FOXRED1: variants seen among roughly 807,000 people sequenced by gnomAD.
The protein encoded by FOXRED1 is FAD-dependent oxidoreductase domain-containing protein 1.
In FOXRED1, 52 loss-of-function variants were observed where a neutral mutation model predicts 57.8. The observed-to-expected ratio is 0.90, with a 90% confidence interval of 0.72 to 1.13. FOXRED1 has a LOEUF of 1.13. Among genes scored for constraint, FOXRED1 ranks in the 50% most tolerant of loss-of-function variants. The pLI is 0.00. For missense variants in FOXRED1, 589 were observed against 625.2 expected (o/e 0.94, Z 0.62); for synonymous variants, 271 against 248.3 (o/e 1.09, Z -0.86).
rs538014886 is a variant in FOXRED1, at chr11:126,276,792, CTG to C, written c.1101+270_1101+271del. 401 of 487,114 alleles carry C rather than the reference CTG, an allele frequency of 8.2e-4. 3 individuals carry two copies. The highest frequency in any genetic ancestry group is 5.3e-5 in the Non-Finnish European group (14 of 266,616). The allele number at this position is 487,114 out of a possible 1,614,324, so 30.2% of individuals were successfully genotyped here. Reference sequence around the variant, plus strand: ...TTGGGAGGCTGAGGCAGGAGAATCACTGGAACCCGGGAGGCTGAGGTTGCAGT... The same window carrying C: ...TTGGGAGGCTGAGGCAGGAGAATCACGAACCCGGGAGGCTGAGGTTGCAGT... On this transcript the variant is annotated intron_variant, in intron 9 of 10. Coordinates refer to ENST00000263578, the MANE Select transcript of FOXRED1 (RefSeq NM_017547.4).
Position 126,269,247 on chromosome 11 carries a change from T to C in FOXRED1, c.41T>C (p.Leu14Pro), listed in dbSNP as rs1362707296. The change falls in exon 1 of 11, where the codon CTC becomes CCC. Residue 14 changes from leucine (L) to proline (P), a missense_variant. Transcript: ENST00000263578. Reference protein sequence around the residue: ...RVLPHGMGRGLLTRRPGTRRG... With the variant: ...RVLPHGMGRGPLTRRPGTRRG... Reference sequence around the variant, plus strand: ...CTGCCGCACGGCATGGGCCGGGGCCTCTTGACCCGGAGGCCAGGCACGCGC... The same window carrying C: ...CTGCCGCACGGCATGGGCCGGGGCCCCTTGACCCGGAGGCCAGGCACGCGC... 1 of 1,614,084 alleles carries C rather than the reference T, an allele frequency of 6.2e-7. No homozygotes were observed. Among genetic ancestry groups the C allele is most frequent in the Non-Finnish European group, 8.5e-7 (1 of 1,180,046 alleles).
Position 126,275,507 on chromosome 11 carries a change from A to G in FOXRED1, c.733+79A>G. The G allele has an allele frequency of 9.1e-7, 1 of 1,095,726 alleles. No individual in the cohort carries two copies. The highest frequency in any genetic ancestry group is 1.4e-6 in the Non-Finnish European group (1 of 710,564). 67.9% of individuals were successfully genotyped at this position (1,095,726 alleles called of 1,614,324 possible). A position where few individuals can be genotyped will look rare whatever the true frequency, so the allele number is the denominator to read the frequency against. ...TTATCTTCTCACTCACAAGCTAAGC[A>G]AGGGCTGGAGGGGGAAAGGGGTCTC... On this transcript the variant is annotated intron_variant, in intron 6 of 10. Transcript: ENST00000263578. This position sits in a 1 kb window ranked among gnomAD's most constrained non-coding sequence, Gnocchi z 5.9.
At position 126,272,562 on chromosome 11, in the gene FOXRED1, G is replaced by A. The variant is rs2135258652; in HGVS notation, c.307-407G>A. 3.4e-6 allele frequency: 1 copy of A among 291,900 alleles called. No individual in the cohort carries two copies. The highest frequency in any genetic ancestry group is 6.6e-6 in the Non-Finnish European group (1 of 150,540). 18.1% of individuals were successfully genotyped at this position (291,900 alleles called of 1,614,324 possible). A position where few individuals can be genotyped will look rare whatever the true frequency, so the allele number is the denominator to read the frequency against. ...CCGCCTCGGCCTCCCAAAGTGCTGG[G>A]ATTACAGGCATGAGCCACCCACCCG... On this transcript the variant is annotated intron_variant, in intron 2 of 10. Coordinates refer to ENST00000263578, the MANE Select transcript of FOXRED1 (RefSeq NM_017547.4). The surrounding 1 kb of genome is among the most constrained non-coding windows in gnomAD (Gnocchi z 4.6).
chr11:126,276,286 C>CATGT (rs1309923786), intron 8 of FOXRED1, 67 bp downstream of exon 8: 2 of 1,172,994 alleles, frequency 1.7e-6, no homozygotes, highest in East Asian at 6.1e-5. Flanking sequence ...AGTTGGATAG[C>CATGT]GTGTGTGTGT....
Position 126,272,295 on chromosome 11 carries a change from G to C in FOXRED1, c.306+638G>C, listed in dbSNP as rs185077166. ...GCTTCTTTTGGGTCCCGTTACTTCTGAGGTTTTTTGCATTTTATTGTATTT... is the reference window on the plus strand; with the variant it reads ...GCTTCTTTTGGGTCCCGTTACTTCTCAGGTTTTTTGCATTTTATTGTATTT... On this transcript the variant is annotated intron_variant, in intron 2 of 10. Transcript: ENST00000263578. The surrounding 1 kb of genome is among the most constrained non-coding windows in gnomAD (Gnocchi z 4.6). 7.3e-5 allele frequency among the ~76,000 whole-genome samples: 11 copies of C among 150,544 alleles called. No homozygotes were observed. In the East Asian group the frequency reaches 1.8e-3, roughly 25 times the overall value.
rs1951100388 is a variant in FOXRED1, at chr11:126,275,358, G to A, written c.663G>A (p.Trp221Ter). 2 of 1,613,858 alleles carry A rather than the reference G, an allele frequency of 1.2e-6. No homozygotes were observed. Among genetic ancestry groups the A allele is most frequent in the Admixed American group, 1.7e-5 (1 of 59,998 alleles). ...AGGACGAAGGTTGGTTTGACCCCTG[G>A]TGTCTGCTCCAGGGGCTTCGGCGAA... ...GMEDEGWFDPWCLLQGLRRKV... is the reference protein window; with the variant it reads ...GMEDEGWFDP Residue 221 changes from tryptophan (W) to a stop codon, truncating the protein, a stop_gained, in exon 6 of 11, where the codon TGG becomes TGA. Transcript: ENST00000263578. LOFTEE classifies it high-confidence loss of function. The surrounding 1 kb of genome is among the most constrained non-coding windows in gnomAD (Gnocchi z 5.9).
rs770896312 is a variant in FOXRED1 at position 126,273,526 on chromosome 11, A to G, written c.536+72A>G. 50 of 996,308 alleles carry G rather than the reference A, an allele frequency of 5.0e-5. No individual in the cohort carries two copies. The highest frequency in any genetic ancestry group is 7.9e-5 in the Non-Finnish European group (49 of 619,342). 61.7% of individuals were successfully genotyped at this position (996,308 alleles called of 1,614,324 possible). A position where few individuals can be genotyped will look rare whatever the true frequency, so the allele number is the denominator to read the frequency against. ...TGGGTGACTCCTGCACCAGGTTAGG[A>G]AGCGAGAAAGTGGAGTTGATAAGAC... On this transcript the variant is annotated intron_variant, in intron 4 of 10. Transcript: ENST00000263578. The surrounding 1 kb of genome is among the most constrained non-coding windows in gnomAD (Gnocchi z 5.9).
In FOXRED1 at chr11:126,273,157, G is replaced by T. The variant is rs1173936525; in HGVS notation, c.417+78G>T. ...GAGTGGGGAGCAGCCCAGCTAGCAA[G>T]GTAGCCAGAGAGCAAGAATGGGTCA... On this transcript the variant is annotated intron_variant, in intron 3 of 10. Coordinates refer to ENST00000263578, the MANE Select transcript of FOXRED1 (RefSeq NM_017547.4). The surrounding 1 kb of genome is among the most constrained non-coding windows in gnomAD (Gnocchi z 5.9). 4 of 1,018,590 alleles carry T rather than the reference G, an allele frequency of 3.9e-6. No individual in the cohort carries two copies. Among genetic ancestry groups the T allele is most frequent in the Non-Finnish European group, 6.3e-6 (4 of 636,382 alleles). 63.1% of individuals were successfully genotyped at this position (1,018,590 alleles called of 1,614,324 possible). A position where few individuals can be genotyped will look rare whatever the true frequency, so the allele number is the denominator to read the frequency against.
In FOXRED1 at chr11:126,273,947, C is replaced by A. The variant is rs898307931; in HGVS notation, c.536+493C>A. ...CAGGCAGCAGGTCGGATTTGGCAAC[C>A]CCTGCTCTAAGTGATTCTCATGGTC... is the stretch of plus-strand genomic sequence containing the variant. On this transcript the variant is annotated intron_variant, in intron 4 of 10. Coordinates refer to ENST00000263578, the MANE Select transcript of FOXRED1 (RefSeq NM_017547.4). This position sits in a 1 kb window ranked among gnomAD's most constrained non-coding sequence, Gnocchi z 5.9. The A allele has an allele frequency of 3.4e-5, 7 of 207,354 alleles. No homozygotes were observed. The East Asian group carries it at 6.9e-4, about 21-fold the overall frequency. 12.8% of individuals were successfully genotyped at this position (207,354 alleles called of 1,614,324 possible).
intron 8 of FOXRED1, 38 bp downstream of exon 8, chr11:126,276,257 A>T: frequency 1.3e-6 from 1 of 756,228 alleles, no homozygotes; most frequent in Non-Finnish European, 1.6e-6. Flanking sequence ...GTTGGTGAGA[A>T]AGAAAGAAAT....
chr11:126,273,529 C>T lies in FOXRED1; in HGVS notation c.536+75C>T, dbSNP rs1048170615. On this transcript the variant is annotated intron_variant, in intron 4 of 10. Coordinates refer to ENST00000263578, the MANE Select transcript of FOXRED1 (RefSeq NM_017547.4). The surrounding 1 kb of genome is among the most constrained non-coding windows in gnomAD (Gnocchi z 5.9). ...GTGACTCCTGCACCAGGTTAGGAAG[C>T]GAGAAAGTGGAGTTGATAAGACAGA... 1.0e-5 allele frequency: 10 copies of T among 980,424 alleles called. No individual in the cohort carries two copies. The highest frequency in any genetic ancestry group is 1.6e-5 in the African/African-American group (1 of 62,824). 60.7% of individuals were successfully genotyped at this position (980,424 alleles called of 1,614,324 possible).
rs768049385 is a variant in FOXRED1 at position 126,275,261 on chromosome 11, C to T, written c.632-66C>T. On this transcript the variant is annotated intron_variant, in intron 5 of 10. Transcript: ENST00000263578. This position sits in a 1 kb window ranked among gnomAD's most constrained non-coding sequence, Gnocchi z 5.9. ...AGCCCTAGAGAGGGGTTGGGGGGCACAGGAAATACAATCCAAGAGCAGAAG... is the reference window on the plus strand; with the variant it reads ...AGCCCTAGAGAGGGGTTGGGGGGCATAGGAAATACAATCCAAGAGCAGAAG... 1.5e-5 allele frequency: 19 copies of T among 1,231,348 alleles called. No individual in the cohort carries two copies. The highest frequency in any genetic ancestry group is 4.6e-5 in the East Asian group (2 of 43,202). 76.3% of individuals were successfully genotyped at this position (1,231,348 alleles called of 1,614,324 possible).
At position 126,272,122 on chromosome 11, in the gene FOXRED1, C is replaced by T. The variant is rs184607628; in HGVS notation, c.306+465C>T. 2.2e-4 allele frequency among the ~76,000 whole-genome samples: 34 copies of T among 151,874 alleles called. No individual in the cohort carries two copies. Among genetic ancestry groups the T allele is most frequent in the Non-Finnish European group, 4.1e-4 (28 of 67,968 alleles). On this transcript the variant is annotated intron_variant, in intron 2 of 10. Coordinates refer to ENST00000263578, the MANE Select transcript of FOXRED1 (RefSeq NM_017547.4). The surrounding 1 kb of genome is among the most constrained non-coding windows in gnomAD (Gnocchi z 4.6). ...GATTACAGGGACACACCCTGATGCC[C>T]AGCTATTTTTTGTATTTTTAGTAGA...
rs769743187 is a variant in FOXRED1, at chr11:126,269,228, C to T, written c.22C>T (p.His8Tyr). The T allele has an allele frequency of 1.9e-6, 3 of 1,614,030 alleles. No homozygotes were observed. In the East Asian group the frequency reaches 6.7e-5, roughly 36 times the overall value. Residue 8 changes from histidine to tyrosine, a missense_variant, in exon 1 of 11, where the codon CAC becomes TAC. Transcript: ENST00000263578. ...GGTTATGATTCGGAGGGTTCTGCCG[C>T]ACGGCATGGGCCGGGGCCTCTTGAC... MIRRVLPHGMGRGLLTRR... is the reference protein window; with the variant it reads MIRRVLPYGMGRGLLTRR...
chr11:126,270,771 T>A (rs1458490952), intron 1 of FOXRED1, among the ~76,000 whole-genome samples: 1 of 152,196 alleles, frequency 6.6e-6, no homozygotes, highest in Non-Finnish European at 1.5e-5. Flanking sequence ...ATTAAATTTG[T>A]GTTTTGAAAA....
Position 126,275,223 on chromosome 11 carries a change from T to C in FOXRED1, c.632-104T>C. ...GTGGTTCAGTTGGTTAAGATGACCT[T>C]CCCCGGCTTACAAGCCCTAGAGAGG... On this transcript the variant is annotated intron_variant, in intron 5 of 10. Coordinates refer to ENST00000263578, the MANE Select transcript of FOXRED1 (RefSeq NM_017547.4). The surrounding 1 kb of genome is among the most constrained non-coding windows in gnomAD (Gnocchi z 5.9). The C allele has an allele frequency of 1.1e-6, 1 of 949,070 alleles. No homozygotes were observed. Among genetic ancestry groups the C allele is most frequent in the Non-Finnish European group, 1.7e-6 (1 of 584,306 alleles). The allele number at this position is 949,070 out of a possible 1,614,324, so 58.8% of individuals were successfully genotyped here.
Position 126,271,434 on chromosome 11 carries a change from C to T in FOXRED1, c.86-3C>T. On this transcript the variant is annotated splice_polypyrimidine_tract_variant and splice_region_variant and intron_variant, in intron 1 of 10. Coordinates refer to ENST00000263578, the MANE Select transcript of FOXRED1 (RefSeq NM_017547.4). The surrounding 1 kb of genome is among the most constrained non-coding windows in gnomAD (Gnocchi z 5.3). ...GCCCTCTGACCCTAACTACATCCCA[C>T]AGACTGGGATGGAAAGGTGTCTGAG... 17 of 1,606,504 alleles carry T rather than the reference C, an allele frequency of 1.1e-5. No individual in the cohort carries two copies. Among genetic ancestry groups the T allele is most frequent in the Non-Finnish European group, 1.4e-5 (17 of 1,173,032 alleles).
At position 126,275,187 on chromosome 11, in the gene FOXRED1, G is replaced by T; in HGVS notation, c.632-140G>T. ...GTGGTAGTTCTCTGTCCTTCATCAGGCTTTGTCTCTGTGGTTCAGTTGGTT... is the reference window on the plus strand; with the variant it reads ...GTGGTAGTTCTCTGTCCTTCATCAGTCTTTGTCTCTGTGGTTCAGTTGGTT... On this transcript the variant is annotated intron_variant, in intron 5 of 10. Transcript: ENST00000263578. This position sits in a 1 kb window ranked among gnomAD's most constrained non-coding sequence, Gnocchi z 5.9. 1.2e-6 allele frequency: 1 copy of T among 817,730 alleles called. No homozygotes were observed. 50.7% of individuals were successfully genotyped at this position (817,730 alleles called of 1,614,324 possible). A position where few individuals can be genotyped will look rare whatever the true frequency, so the allele number is the denominator to read the frequency against.
In FOXRED1 at chr11:126,271,872, G is replaced by C. The variant is rs936583591; in HGVS notation, c.306+215G>C. 1.0e-5 allele frequency: 6 copies of C among 573,662 alleles called. No homozygotes were observed. Among genetic ancestry groups the C allele is most frequent in the African/African-American group, 1.9e-5 (1 of 53,582 alleles). 35.5% of individuals were successfully genotyped at this position (573,662 alleles called of 1,614,324 possible). On this transcript the variant is annotated intron_variant, in intron 2 of 10. Transcript: ENST00000263578. This position sits in a 1 kb window ranked among gnomAD's most constrained non-coding sequence, Gnocchi z 5.3. ...GGCAATAAGGTTTGTTCTTTTGAAA[G>C]CAGATATCACCATATTGGATTTTTC...
Sources: allele counts gnomAD v4.1 joint callset (sites outside exome capture counted in the v4.1 genomes callset), GRCh38; gene constraint gnomAD v4.1.1; non-coding constraint Gnocchi (gnomAD v3.1); transcripts MANE v1.5; gene names NCBI Gene and HGNC (gene_info 2026-07-23, HGNC 2026-07-21).